Variants in YAP1 observed in about 807,000 individuals in gnomAD.
YAP1 encodes Yes1 associated transcriptional regulator, also known as transcriptional coactivator YAP1.
Under a neutral mutation model 56.9 loss-of-function variants are expected in YAP1, and 5 were observed. That is an observed-to-expected ratio of 0.09 (90% CI 0.05 to 0.18). The LOEUF is 0.18. YAP1 is among the 10% of genes least tolerant of loss of function. YAP1 has a pLI of 1.00. For missense variants in YAP1, 539 were observed against 651.8 expected, an observed-to-expected ratio of 0.83 and a Z score of 1.88; for synonymous variants, 265 against 248.1, an observed-to-expected ratio of 1.07 and a Z score of -0.64.
chr11:102,205,871 T>C, intron 4 of YAP1, 22 bp from the exon 5 acceptor site: 1 of 1,473,740 alleles, frequency 6.8e-7, no homozygotes, highest in South Asian at 1.5e-5. Context: ...TAGGACAGAT[T>C]TTTTTTTTCT....
chr11:102,161,309 G>T (rs972828642), intron 2 of YAP1, among the ~76,000 whole-genome samples: 1 of 148,284 alleles, frequency 6.7e-6, no homozygotes, highest in Non-Finnish European at 1.5e-5. Flanking sequence ...TGATCTGCCC[G>T]CCTCGGCCTC....
chr11:102,150,926 G>C (rs1327283238), intron 2 of YAP1, among the ~76,000 whole-genome samples: 1 of 151,194 alleles, frequency 6.6e-6, no homozygotes, highest in Non-Finnish European at 1.5e-5. Flanking sequence ...TCACCTTCCT[G>C]AGTAGCTAGG....
In YAP1 at chr11:102,135,305, C is replaced by T. The variant is rs142032850; in HGVS notation, c.572+20911C>T. The stretch of plus-strand genomic sequence containing the variant: ...CCCTAAAACTTACGGCTTAAAACAA[C>T]CATTTTATTGTATCTTACAAATTTG... On this transcript the variant is annotated intron_variant, in intron 2 of 8. Coordinates refer to ENST00000282441, the MANE Select transcript of YAP1 (RefSeq NM_001130145.3). Among the ~76,000 whole-genome samples, 154 of 152,290 alleles carry T rather than the reference C, an allele frequency of 1.0e-3. 1 individual carries two copies. Among genetic ancestry groups the T allele is most frequent in the Middle Eastern group, 3.4e-3 (1 of 294 alleles).
At chr11:102,150,751 A>G (rs541629018) in intron 2 of YAP1, among the ~76,000 whole-genome samples, 3 of 150,744 alleles carry the variant, frequency 2.0e-5, no homozygotes, top group Non-Finnish European at 4.4e-5. Flanking sequence ...ACCTTGTCAA[A>G]AAATTTTTAC....
chr11:102,212,989 G>T (rs1949483242), intron 6 of YAP1, among the ~76,000 whole-genome samples: 1 of 152,194 alleles, frequency 6.6e-6, no homozygotes, highest in African/African-American at 2.4e-5. Flanking sequence ...TCTTTGCTTT[G>T]TGAGATTGAG....
intron 4 of YAP1, among the ~76,000 whole-genome samples, chr11:102,188,194 C>T (rs1302506540): frequency 6.6e-6 from 1 of 152,160 alleles, no homozygotes; most frequent in Non-Finnish European, 1.5e-5. Flanking sequence ...GTTTCTGACC[C>T]TTTGGGCCAT....
intron 1 of YAP1, among the ~76,000 whole-genome samples, chr11:102,113,814 A>G (rs540235519): frequency 2.8e-4 from 43 of 152,280 alleles, no homozygotes; most frequent in African/African-American, 9.6e-4. Flanking sequence ...TGACCTCTTA[A>G]AAATTAGGTT....
chr11:102,120,543 T>C (rs1943586265), intron 2 of YAP1, among the ~76,000 whole-genome samples: 2 of 152,238 alleles, frequency 1.3e-5, no homozygotes, highest in South Asian at 4.1e-4. Context: ...AATTTGTCTC[T>C]CTATCTCTTT....
chr11:102,119,266 T>G (rs1183863080), intron 2 of YAP1, among the ~76,000 whole-genome samples: 1 of 151,980 alleles, frequency 6.6e-6, no homozygotes, highest in Admixed American at 6.6e-5. Flanking sequence ...GAAAAACAGT[T>G]GGAAGATAGT....
intron 2 of YAP1, among the ~76,000 whole-genome samples, chr11:102,116,358 C>T (rs1230977716): frequency 2.6e-5 from 4 of 152,114 alleles, no homozygotes; most frequent in African/African-American, 9.7e-5. Flanking sequence ...ATATGAAAGA[C>T]CAGAGCCTCT....
At chr11:102,127,330 C>T (rs1467263506) in intron 2 of YAP1, among the ~76,000 whole-genome samples, 5 of 152,198 alleles carry the variant, frequency 3.3e-5, no homozygotes, top group Admixed American at 2.6e-4. Flanking sequence ...GCCCAGGGTC[C>T]CTGTGCTGTG....
intron 6 of YAP1, 30 bp downstream of exon 6, chr11:102,209,594 GAAAAAAA>G (rs35731181): frequency 7.6e-7 from 1 of 1,316,490 alleles, no homozygotes; most frequent in African/African-American, 1.6e-5. Context: ...TTTAGCACTG[GAAAAAAA>G]AAAAAAAAGA....
chr11:102,151,645 C>G (rs1261845340), intron 2 of YAP1, among the ~76,000 whole-genome samples: 1 of 152,134 alleles, frequency 6.6e-6, no homozygotes, highest in Non-Finnish European at 1.5e-5. Context: ...ATGTGTTATT[C>G]ATTTTGATGT....
intron 5 of YAP1, among the ~76,000 whole-genome samples, chr11:102,207,527 T>TAA (rs879674853): frequency 2.8e-5 from 4 of 141,516 alleles, no homozygotes; most frequent in Non-Finnish European, 6.2e-5. Context: ...CTCTGTCTCT[T>TAA]AAAAAAAAAA....
At chr11:102,115,849 A>G (rs1168353141) in intron 2 of YAP1, among the ~76,000 whole-genome samples, 1 of 152,264 alleles carries the variant, frequency 6.6e-6, no homozygotes, top group Admixed American at 6.5e-5. Flanking sequence ...AGAAAAAGAA[A>G]GGCTGCACTT....
intron 2 of YAP1, among the ~76,000 whole-genome samples, chr11:102,142,806 A>G (rs1410686359): frequency 1.3e-5 from 2 of 152,184 alleles, no homozygotes; most frequent in Admixed American, 6.5e-5. Flanking sequence ...TTTAATTTCA[A>G]AGAACCGTTT....
In YAP1 at chr11:102,205,146, C is replaced by CA. The variant is rs933080737; in HGVS notation, c.803-738dup. The stretch of plus-strand genomic sequence containing the variant: ...ACCACCAAATGGTGTATTACAGCTT[C>CA]AAAAAAAAATTTTTTTTTTTTTACT... On this transcript the variant is annotated intron_variant, in intron 4 of 8. Transcript: ENST00000282441. Among the ~76,000 whole-genome samples, 73 of 116,748 alleles carry CA rather than the reference C, an allele frequency of 6.3e-4. No homozygotes were observed. The East Asian group carries it at 0.016, about 26-fold the overall frequency. The allele number at this position is 116,748 out of a possible 152,430, so 76.6% of individuals were successfully genotyped here. A position where few individuals can be genotyped will look rare whatever the true frequency, so the allele number is the denominator to read the frequency against.
At chr11:102,139,872 CT>C (rs919248168) in intron 2 of YAP1, among the ~76,000 whole-genome samples, 2 of 150,862 alleles carry the variant, frequency 1.3e-5, no homozygotes, top group African/African-American at 2.4e-5. Context: ...GTTTTGTGAG[CT>C]TTTTTTTTAA....
chr11:102,140,987 A>G (rs565456601), intron 2 of YAP1, among the ~76,000 whole-genome samples: 4 of 152,294 alleles, frequency 2.6e-5, no homozygotes, highest in South Asian at 2.1e-4. Context: ...GGACATTTCT[A>G]TTTCACTGAA....
Sources: gnomAD v4.1 joint callset for allele counts (sites outside exome capture counted in the v4.1 genomes callset) on GRCh38, gnomAD v4.1.1 for gene constraint, MANE v1.5 for transcripts, NCBI Gene and HGNC (gene_info 2026-07-23, HGNC 2026-07-21) for gene names.